The following KCNAB1 variants were observed in gnomAD, a reference collection of about 807,000 sequenced individuals.
KCNAB1 encodes the protein potassium voltage-gated channel subfamily A regulatory beta subunit 1.
KCNAB1 carries 35 observed loss-of-function variants against 64.6 expected under a neutral mutation model. The observed-to-expected ratio is 0.54, with a 90% CI of 0.41 to 0.72. KCNAB1 has a LOEUF of 0.72. KCNAB1 is among the 30% of genes least tolerant of loss of function. The pLI is 0.00. For synonymous variants in KCNAB1, 177 were observed against 183.8 expected, an observed-to-expected ratio of 0.96 and a Z score of 0.30; for missense variants, 401 against 512.9, an observed-to-expected ratio of 0.78 and a Z score of 2.11.
rs562273087 is a variant in KCNAB1, at chr3:156,388,485, G to A, written c.276-33131G>A. ...CATCCTAATAATATTCTAACACCAC[G>A]TTTCCCAACACTCTGTGACCTTGAG... is the stretch of plus-strand genomic sequence containing the variant. On this transcript the variant is annotated intron_variant, in intron 1 of 13. Transcript: ENST00000490337. Among the ~76,000 whole-genome samples, 4 of 152,236 alleles carry A rather than the reference G, an allele frequency of 2.6e-5. No homozygotes were observed. In the South Asian group the frequency reaches 8.3e-4, roughly 32 times the overall value.
At chr3:156,467,294 C>T (rs1033278003) in intron 7 of KCNAB1, among the ~76,000 whole-genome samples, 1 of 151,996 alleles carries the variant, frequency 6.6e-6, no homozygotes, top group African/African-American at 2.4e-5. Context: ...AACCATAAGT[C>T]AAACCATTGT....
intron 1 of KCNAB1, among the ~76,000 whole-genome samples, chr3:156,226,525 A>G (rs1481338746): frequency 2.0e-5 from 3 of 152,202 alleles, no homozygotes; most frequent in Non-Finnish European, 4.4e-5. Flanking sequence ...CCAAGAACCC[A>G]AAAGCAAATG....
intron 1 of KCNAB1, among the ~76,000 whole-genome samples, chr3:156,140,051 G>T (rs1267120324): frequency 1.3e-5 from 2 of 152,066 alleles, no homozygotes; most frequent in Non-Finnish European, 2.9e-5. Context: ...TATCTAAAAA[G>T]AAGGGAAGAG....
chr3:156,424,216 TGA>T (rs1715664856), intron 2 of KCNAB1, among the ~76,000 whole-genome samples: 1 of 152,068 alleles, frequency 6.6e-6, no homozygotes, highest in African/African-American at 2.4e-5. Flanking sequence ...TTTCAAAGAA[TGA>T]GAGGGAGTGA....
intron 3 of KCNAB1, among the ~76,000 whole-genome samples, chr3:156,453,426 A>G (rs1712154219): frequency 6.6e-6 from 1 of 152,200 alleles, no homozygotes; most frequent in Non-Finnish European, 1.5e-5. Flanking sequence ...AGTCCATCCT[A>G]TATAAAATGA....
intron 1 of KCNAB1, among the ~76,000 whole-genome samples, chr3:156,137,393 A>G (rs548456801): frequency 2.0e-5 from 3 of 152,090 alleles, no homozygotes; most frequent in Admixed American, 2.0e-4. Flanking sequence ...ACTCCCATGC[A>G]CTGTAACATG....
intron 1 of KCNAB1, among the ~76,000 whole-genome samples, chr3:156,274,661 T>C (rs1719236557): frequency 6.6e-6 from 1 of 152,188 alleles, no homozygotes; most frequent in South Asian, 2.1e-4. Flanking sequence ...AACTCTACCA[T>C]TAAGTAGTTT....
chr3:156,142,931 G>A (rs1714785603), intron 1 of KCNAB1: 1 of 1,113,000 alleles, frequency 9.0e-7, no homozygotes. Context: ...AAAGGGATGA[G>A]AAAAGTGATT....
At chr3:156,254,953 C>T (rs879438185) in intron 1 of KCNAB1, among the ~76,000 whole-genome samples, 7 of 152,170 alleles carry the variant, frequency 4.6e-5, no homozygotes, top group Non-Finnish European at 7.4e-5. Context: ...AAAAAGGAAA[C>T]TTCAGTGAAT....
intron 1 of KCNAB1, chr3:156,216,874 C>T (rs1349942914): frequency 1.3e-5 from 2 of 152,212 alleles, no homozygotes; most frequent in Non-Finnish European, 2.9e-5. Flanking sequence ...GTTTGTCCAG[C>T]ACCTGAGTTC....
At chr3:156,377,614 T>C (rs1711783629) in intron 1 of KCNAB1, among the ~76,000 whole-genome samples, 2 of 152,064 alleles carry the variant, frequency 1.3e-5, no homozygotes, top group South Asian at 4.2e-4. Flanking sequence ...ATCCCAGCAC[T>C]TTCTCCCCCA....
At chr3:156,127,361 G>A (rs2108259956) in intron 1 of KCNAB1, among the ~76,000 whole-genome samples, 1 of 152,248 alleles carries the variant, frequency 6.6e-6, no homozygotes, top group East Asian at 1.9e-4. Flanking sequence ...TTCTCCCTAA[G>A]GCTGTAATTC....
At chr3:156,380,949 A>G (rs566875041) in intron 1 of KCNAB1, among the ~76,000 whole-genome samples, 15 of 152,330 alleles carry the variant, frequency 9.8e-5, no homozygotes, top group Non-Finnish European at 1.8e-4. Context: ...AGTGCATTAA[A>G]TATTTCAAAT....
chr3:156,327,107 G>GT lies in KCNAB1; in HGVS notation c.276-94508dup, dbSNP rs1360483142. 3.3e-5 allele frequency among the ~76,000 whole-genome samples: 5 copies of GT among 152,262 alleles called. No homozygotes were observed. The East Asian group carries it at 9.6e-4, about 29-fold the overall frequency. Reference sequence around the variant, plus strand: ...TTTAAAAAATCTGGTTAAGGCAAACGTAAGAGCAATAATAAAATAGCATGT... The same window carrying GT: ...TTTAAAAAATCTGGTTAAGGCAAACGTTAAGAGCAATAATAAAATAGCATGT... On this transcript the variant is annotated intron_variant, in intron 1 of 13. Coordinates refer to ENST00000490337, the MANE Select transcript of KCNAB1 (RefSeq NM_172160.3).
At chr3:156,128,338 A>G (rs1024179365) in intron 1 of KCNAB1, among the ~76,000 whole-genome samples, 2 of 152,238 alleles carry the variant, frequency 1.3e-5, no homozygotes, top group African/African-American at 4.8e-5. Context: ...CAACTGAAGT[A>G]TCTCTGAAAG....
chr3:156,305,964 G>C (rs1020346419), intron 1 of KCNAB1, among the ~76,000 whole-genome samples: 1 of 152,168 alleles, frequency 6.6e-6, no homozygotes. Context: ...ATAAGGTAGC[G>C]ATTCCTGAAC....
intron 2 of KCNAB1, among the ~76,000 whole-genome samples, chr3:156,433,699 A>C (rs1716388249): frequency 6.6e-6 from 1 of 152,220 alleles, no homozygotes. Context: ...AAGGATGAAT[A>C]GCAATCTGTC....
intron 1 of KCNAB1, among the ~76,000 whole-genome samples, chr3:156,208,549 C>T (rs764682168): frequency 1.1e-4 from 17 of 152,116 alleles, no homozygotes; most frequent in Non-Finnish European, 1.9e-4. Flanking sequence ...CTAAGAACAT[C>T]TCTGACAACT....
intron 8 of KCNAB1, among the ~76,000 whole-genome samples, chr3:156,488,444 C>T (rs1279503925): frequency 2.0e-5 from 3 of 151,988 alleles, no homozygotes; most frequent in African/African-American, 7.2e-5. Context: ...CTACTTCTGG[C>T]TGTAGAAACA....
Sources: allele counts gnomAD v4.1 joint callset (sites outside exome capture counted in the v4.1 genomes callset), GRCh38; gene constraint gnomAD v4.1.1; transcripts MANE v1.5; gene names NCBI Gene and HGNC (gene_info 2026-07-23, HGNC 2026-07-21).